GRAMD2B: variants seen among roughly 807,000 people sequenced by gnomAD.
GRAMD2B encodes the protein GRAM domain-containing protein 2B.
A neutral mutation model predicts 59.2 loss-of-function variants in GRAMD2B; 41 were observed. The ratio of observed to expected loss-of-function variants is 0.69; its 90% CI spans 0.54 to 0.90. The LOEUF (loss-of-function observed/expected upper bound fraction) is 0.90. Ranked by LOEUF, GRAMD2B falls within the 40% of genes least tolerant of loss-of-function variation. The probability of loss-of-function intolerance (pLI) is 0.00; values close to 1 mark genes in which losing one functional copy is unlikely to be tolerated. For synonymous variants in GRAMD2B, 161 were observed against 182.7 expected (o/e 0.88, Z 0.96); for missense variants, 424 against 500.5 (o/e 0.85, Z 1.46).
At chr5:126,416,898 C>T (rs796680584) in intron 1 of GRAMD2B, among the ~76,000 whole-genome samples, 1 of 152,202 alleles carries the variant, frequency 6.6e-6, no homozygotes, top group African/African-American at 2.4e-5. Flanking sequence ...ATTTTCTTTA[C>T]ATCTCTTACT....
chr5:126,437,639 A>G (rs11241892), intron 1 of GRAMD2B, among the ~76,000 whole-genome samples: 2 of 151,960 alleles, frequency 1.3e-5, no homozygotes, highest in African/African-American at 4.8e-5. Flanking sequence ...AAATAAACAG[A>G]ACGGCAGAGA....
At chr5:126,447,755 T>C (rs576975294) in intron 1 of GRAMD2B, among the ~76,000 whole-genome samples, 1 of 151,930 alleles carries the variant, frequency 6.6e-6, no homozygotes, top group South Asian at 2.1e-4. Flanking sequence ...GTAAATGAAT[T>C]GAACCTTTTT....
At position 126,493,497 on chromosome 5, in the gene GRAMD2B, G is replaced by C. The variant is rs935688116; in HGVS notation, c.*541G>C. 3 of 152,018 alleles carry C rather than the reference G, an allele frequency of 2.0e-5. 1 individual carries two copies. The highest frequency in any genetic ancestry group is 4.4e-5 in the Non-Finnish European group (3 of 68,056). 9.4% of individuals were successfully genotyped at this position (152,018 alleles called of 1,614,324 possible). ...TTGTCTTTTTTTTTTCAGTTCTCCT[G>C]TTATGTTCTGGTTGAAATCACCTGT... On this transcript the variant is annotated 3_prime_UTR_variant, in exon 14 of 14. Transcript: ENST00000285689.
At chr5:126,480,790 G>A in intron 8 of GRAMD2B, 83 bp downstream of exon 8, 1 of 1,293,812 alleles carries the variant, frequency 7.7e-7, no homozygotes, top group South Asian at 1.2e-5. Context: ...CATGACCAGG[G>A]TGTGGGAAGA....
rs539889489 is a variant in GRAMD2B, at chr5:126,461,854, G to A, written c.84-3572G>A. ...GCTCTCCCCTAATAGGTGAAGTCAG[G>A]TTTAGTTGTTATAAGCATGACTGTC... is the stretch of plus-strand genomic sequence containing the variant. On this transcript the variant is annotated intron_variant, in intron 1 of 13. Transcript: ENST00000285689. Among the ~76,000 whole-genome samples, 3 of 152,278 alleles carry A rather than the reference G, an allele frequency of 2.0e-5. No individual in the cohort carries two copies. The East Asian group carries it at 5.8e-4, about 29-fold the overall frequency.
At chr5:126,491,666 C>T (rs1042791082) in intron 13 of GRAMD2B, among the ~76,000 whole-genome samples, 2 of 152,182 alleles carry the variant, frequency 1.3e-5, no homozygotes, top group African/African-American at 4.8e-5. Context: ...TTTTCGTCTG[C>T]AAGGTTTCTA....
chr5:126,448,921 C>T (rs1764833635), intron 1 of GRAMD2B, among the ~76,000 whole-genome samples: 2 of 152,166 alleles, frequency 1.3e-5, no homozygotes, highest in South Asian at 4.1e-4. Flanking sequence ...GTCTTTCATG[C>T]CTGCATGAGG....
chr5:126,456,810 C>T (rs937878369), intron 1 of GRAMD2B, among the ~76,000 whole-genome samples: 13 of 152,132 alleles, frequency 8.5e-5, no homozygotes, highest in Non-Finnish European at 1.8e-4. Context: ...AAATTAGTAA[C>T]CGCTGCCATT....
At chr5:126,446,310 A>G (rs1456663020) in intron 1 of GRAMD2B, among the ~76,000 whole-genome samples, 1 of 152,194 alleles carries the variant, frequency 6.6e-6, no homozygotes, top group Non-Finnish European at 1.5e-5. Context: ...CTACAGGTAT[A>G]TAGATGAAAC....
chr5:126,369,269 G>GA (rs1195296176), upstream of GRAMD2B, among the ~76,000 whole-genome samples: 3 of 80,900 alleles, frequency 3.7e-5, no homozygotes, highest in African/African-American at 1.5e-4. Context: ...ATAAATACTT[G>GA]TTGAATGAAT....
In GRAMD2B at chr5:126,423,595, G is replaced by C. The variant is rs754446207; in HGVS notation, c.-12G>C. On this transcript the variant is annotated 5_prime_UTR_variant, in exon 1 of 14. Transcript: ENST00000285689. ...CGCGGAAGTCTGAAGGTGCCCTCCA[G>C]ACACGGCCCCGATGACTGAACTACA... The C allele has an allele frequency of 1.9e-6, 3 of 1,610,658 alleles. No individual in the cohort carries two copies. The highest frequency in any genetic ancestry group is 1.7e-4 in the Middle Eastern group (1 of 5,908).
At chr5:126,464,331 T>C (rs73785314) in intron 1 of GRAMD2B, among the ~76,000 whole-genome samples, 1 of 152,024 alleles carries the variant, frequency 6.6e-6, no homozygotes, top group Non-Finnish European at 1.5e-5. Context: ...CTCCATGGAG[T>C]CCTCACATCC....
intron 1 of GRAMD2B, among the ~76,000 whole-genome samples, chr5:126,460,797 C>T (rs1004241736): frequency 6.6e-6 from 1 of 152,214 alleles, no homozygotes; most frequent in African/African-American, 2.4e-5. Context: ...GAACACTCTA[C>T]TTTCACAGAC....
chr5:126,439,243 C>T (rs984423786), intron 1 of GRAMD2B, among the ~76,000 whole-genome samples: 2 of 151,600 alleles, frequency 1.3e-5, no homozygotes, highest in African/African-American at 2.4e-5. Flanking sequence ...TTGGACTTTC[C>T]GTATGTTGAA....
intron 2 of GRAMD2B, among the ~76,000 whole-genome samples, chr5:126,467,882 G>A (rs1333663788): frequency 1.3e-5 from 2 of 152,072 alleles, no homozygotes; most frequent in African/African-American, 2.4e-5. Flanking sequence ...AAGAGGCCTA[G>A]GACATCATAT....
intron 1 of GRAMD2B, among the ~76,000 whole-genome samples, chr5:126,371,938 AC>A (rs1379036952): frequency 2.0e-5 from 3 of 152,102 alleles, no homozygotes; most frequent in Non-Finnish European, 4.4e-5. Context: ...AATTACATGA[AC>A]TATTATTAAA....
upstream of GRAMD2B, among the ~76,000 whole-genome samples, chr5:126,369,773 CCT>C (rs34515777): frequency 7.1e-3 from 1,084 of 152,094 alleles, 18 homozygotes; most frequent in African/African-American, 0.025. Context: ...AGGAATTGCC[CCT>C]GTTTAATCCA....
intron 1 of GRAMD2B, among the ~76,000 whole-genome samples, chr5:126,438,993 T>C (rs529457134): frequency 1.3e-5 from 2 of 152,302 alleles, no homozygotes; most frequent in South Asian, 4.1e-4. Flanking sequence ...AGATGACATA[T>C]TGACAAAACA....
chr5:126,483,441 T>A, intron 8 of GRAMD2B, 22 bp from the exon 9 acceptor site: 16 of 1,466,644 alleles, frequency 1.1e-5, no homozygotes, highest in Non-Finnish European at 1.5e-5. Flanking sequence ...CAGCCTGTCT[T>A]CATTTCACTG....
Sources: gnomAD v4.1 joint callset for allele counts (sites outside exome capture counted in the v4.1 genomes callset) on GRCh38, gnomAD v4.1.1 for gene constraint, MANE v1.5 for transcripts, NCBI Gene and HGNC (gene_info 2026-07-23, HGNC 2026-07-21) for gene names.